ZNF14: variants seen among roughly 807,000 people sequenced by gnomAD.
ZNF14 encodes gonadotropin inducible transcription repressor-4.
In ZNF14, 9 loss-of-function variants were observed where a neutral mutation model predicts 11.3. That is an observed-to-expected ratio of 0.80 (90% CI 0.48 to 1.39). The LOEUF (loss-of-function observed/expected upper bound fraction) is 1.39, where lower values mean the gene tolerates loss of function less well. Ranked by LOEUF, ZNF14 falls within the 40% of genes most tolerant of loss-of-function variation. The pLI is 0.00. For synonymous variants in ZNF14, 239 were observed against 245.7 expected, an observed-to-expected ratio of 0.97 and a Z score of 0.25; for missense variants, 711 against 763.9, an observed-to-expected ratio of 0.93 and a Z score of 0.82.
chr19:19,725,966 T>C lies in ZNF14; in HGVS notation c.3+6990A>G, dbSNP rs1054938502. Among the ~76,000 whole-genome samples, 3 of 134,174 alleles carry C rather than the reference T, an allele frequency of 2.2e-5. 1 individual carries two copies. Among genetic ancestry groups the C allele is most frequent in the Admixed American group, 2.2e-4 (3 of 13,640 alleles). 88.0% of individuals were successfully genotyped at this position (134,174 alleles called of 152,430 possible). A position where few individuals can be genotyped will look rare whatever the true frequency, so the allele number is the denominator to read the frequency against. On this transcript the variant is annotated intron_variant, in intron 1 of 3. Coordinates refer to ENST00000344099, the MANE Select transcript of ZNF14 (RefSeq NM_021030.3). ...GTCTTCTCCACACTGTTTATTCTAGTTAGCCATTCGTCTAATCTTTTTTCA... is the reference window on the plus strand; with the variant it reads ...GTCTTCTCCACACTGTTTATTCTAGCTAGCCATTCGTCTAATCTTTTTTCA...
In ZNF14 at chr19:19,712,941, G is replaced by T. The variant is rs756438023; in HGVS notation, c.340C>A (p.His114Asn). The T allele has an allele frequency of 8.7e-6, 14 of 1,614,164 alleles. No individual in the cohort carries two copies. The highest frequency in any genetic ancestry group is 1.1e-5 in the Non-Finnish European group (13 of 1,180,024). Residue 114 changes from histidine (H) to asparagine (N), a missense_variant, in exon 4 of 4, where the codon CAT becomes AAT. Physicochemically the swap from His to Asn is moderately conservative, Grantham distance 68. Coordinates refer to ENST00000344099, the MANE Select transcript of ZNF14 (RefSeq NM_021030.3). ...ATGTGCCTATTAAGGGACGAATGAT[G>T]AATGAAGTCTCTTCCACAAAAGCTG... ...ECSFCGRDFI[H>N]HSSLNRHMRS... is the part of the protein sequence containing the mutation.
Position 19,711,297 on chromosome 19 carries a change from T to C in ZNF14, c.*55A>G. ...AGCTTCTGTCCAGTATGAACTCTTT[T>C]GTGTATTCAGAAGGAGCTGGAACAA... On this transcript the variant is annotated 3_prime_UTR_variant, in exon 4 of 4. Coordinates refer to ENST00000344099, the MANE Select transcript of ZNF14 (RefSeq NM_021030.3). 8 of 1,507,888 alleles carry C rather than the reference T, an allele frequency of 5.3e-6. No homozygotes were observed. The highest frequency in any genetic ancestry group is 2.3e-5 in the East Asian group (1 of 44,058). The allele number at this position is 1,507,888 out of a possible 1,614,324, so 93.4% of individuals were successfully genotyped here. A position where few individuals can be genotyped will look rare whatever the true frequency, so the allele number is the denominator to read the frequency against.
rs906361335 is a variant in ZNF14, at chr19:19,727,347, G to A, written c.3+5609C>T. Among the ~76,000 whole-genome samples the A allele has an allele frequency of 8.3e-5, 11 of 132,102 alleles. 2 individuals carry two copies. Among genetic ancestry groups the A allele is most frequent in the African/African-American group, 3.1e-4 (11 of 35,584 alleles). 86.7% of individuals were successfully genotyped at this position (132,102 alleles called of 152,430 possible). A position where few individuals can be genotyped will look rare whatever the true frequency, so the allele number is the denominator to read the frequency against. On this transcript the variant is annotated intron_variant, in intron 1 of 3. Coordinates refer to ENST00000344099, the MANE Select transcript of ZNF14 (RefSeq NM_021030.3). ...TTTTTTTCTTTTTTTGTAGTGATGG[G>A]GTCTCCCTATGTTGCTGGTCTCAAG...
intron 1 of ZNF14, among the ~76,000 whole-genome samples, chr19:19,717,720 T>A (rs1327010525): frequency 2.0e-5 from 3 of 152,140 alleles, no homozygotes; most frequent in African/African-American, 7.2e-5. Context: ...TCTTATCATA[T>A]CACAAAACAT....
At chr19:19,714,231 T>C (rs2062371153) in intron 2 of ZNF14, 80 bp from the exon 3 acceptor site, 4 of 1,581,242 alleles carry the variant, frequency 2.5e-6, no homozygotes, top group Non-Finnish European at 3.5e-6. Context: ...CATGATTAGC[T>C]GTGACTGTCT....
At chr19:19,722,015 G>A (rs1323925738) in intron 1 of ZNF14, among the ~76,000 whole-genome samples, 3 of 150,484 alleles carry the variant, frequency 2.0e-5, no homozygotes, top group Non-Finnish European at 1.5e-5. Context: ...TAGCTTCTCA[G>A]TTGGTCTTAC....
At chr19:19,727,173 G>A (rs1461651544) in intron 1 of ZNF14, among the ~76,000 whole-genome samples, 1 of 133,768 alleles carries the variant, frequency 7.5e-6, no homozygotes, top group Non-Finnish European at 1.7e-5. Flanking sequence ...CTGTAGACTG[G>A]AGCTGTTCCT....
rs759677254 is a variant in ZNF14 at position 19,727,383 on chromosome 19, G to A, written c.3+5573C>T. Among the ~76,000 whole-genome samples, 10 of 131,596 alleles carry A rather than the reference G, an allele frequency of 7.6e-5. 2 individuals carry two copies. The East Asian group carries it at 8.5e-4, about 11-fold the overall frequency. 86.3% of individuals were successfully genotyped at this position (131,596 alleles called of 152,430 possible). On this transcript the variant is annotated intron_variant, in intron 1 of 3. Transcript: ENST00000344099. ...GTTGCTGGTCTCAAGTCATCCTCCC[G>A]CCTTGACCTTCCGAAGTGCTGGGAT...
At position 19,717,504 on chromosome 19, in the gene ZNF14, C is replaced by A. The variant is rs777314168; in HGVS notation, c.4-3017G>T. ...CTAATGATTAATTCAATCTCCAGCT[C>A]CTCTTTTCTCTTGTGAGGCTGGGGG... On this transcript the variant is annotated intron_variant, in intron 1 of 3. Transcript: ENST00000344099. Among the ~76,000 whole-genome samples, 33 of 152,168 alleles carry A rather than the reference C, an allele frequency of 2.2e-4. 1 individual carries two copies. The highest frequency in any genetic ancestry group is 3.7e-4 in the Non-Finnish European group (25 of 68,038).
At chr19:19,717,965 T>C (rs1271716916) in intron 1 of ZNF14, among the ~76,000 whole-genome samples, 1 of 152,184 alleles carries the variant, frequency 6.6e-6, no homozygotes, top group African/African-American at 2.4e-5. Context: ...TCAAAGGAAA[T>C]TTTAACCTCT....
chr19:19,728,494 C>T lies in ZNF14; in HGVS notation c.3+4462G>A, dbSNP rs540473593. 2.3e-4 allele frequency among the ~76,000 whole-genome samples: 17 copies of T among 72,948 alleles called. 3 individuals carry two copies. The highest frequency in any genetic ancestry group is 6.6e-4 in the African/African-American group (12 of 18,242). The allele number at this position is 72,948 out of a possible 152,430, so 47.9% of individuals were successfully genotyped here. ...TCGAGCCACTGCACTCCAGACTGTG[C>T]GAAAGTGCGAAACTCCGTCTCAAAA... On this transcript the variant is annotated intron_variant, in intron 1 of 3. Coordinates refer to ENST00000344099, the MANE Select transcript of ZNF14 (RefSeq NM_021030.3).
intron 1 of ZNF14, among the ~76,000 whole-genome samples, chr19:19,723,281 G>A (rs888935411): frequency 6.6e-6 from 1 of 152,152 alleles, no homozygotes; most frequent in African/African-American, 2.4e-5. Context: ...GGAGTTTTTA[G>A]CATGAAGGAA....
At position 19,711,566 on chromosome 19, in the gene ZNF14, C is replaced by G. The variant is rs958751582; in HGVS notation, c.1715G>C (p.Ser572Thr). ...KQCGKAFISS[S>T]KFRMHERTHT... The stretch of plus-strand genomic sequence containing the variant: ...AGTTCTCTCATGCATTCGAAATTTA[C>G]TGGAAGAAATGAAGGCTTTTCCACA... Residue 572 changes from serine to threonine, a missense_variant, in exon 4 of 4, where the codon AGT becomes ACT. By Grantham distance (58) the Ser-to-Thr change is moderately conservative. Transcript: ENST00000344099. 1.2e-6 allele frequency: 2 copies of G among 1,613,478 alleles called. No homozygotes were observed. The highest frequency in any genetic ancestry group is 1.7e-6 in the Non-Finnish European group (2 of 1,179,704).
chr19:19,722,928 A>G (rs2145101245), intron 1 of ZNF14, among the ~76,000 whole-genome samples: 1 of 152,304 alleles, frequency 6.6e-6, no homozygotes, highest in South Asian at 2.1e-4. Context: ...ATTTTTGCAC[A>G]TTGATTTTGT....
rs1269399882 is a variant in ZNF14, at chr19:19,711,129, G to A, written c.*223C>T. 4.2e-6 allele frequency: 2 copies of A among 475,042 alleles called. No individual in the cohort carries two copies. The highest frequency in any genetic ancestry group is 7.1e-6 in the Non-Finnish European group (2 of 281,914). The allele number at this position is 475,042 out of a possible 1,614,324, so 29.4% of individuals were successfully genotyped here. ...CAAAACAGATTTCACTGCAGCACGA[G>A]TCCTGTCTTTGAAATGAATTAGGTC... is the stretch of plus-strand genomic sequence containing the variant. On this transcript the variant is annotated 3_prime_UTR_variant, in exon 4 of 4. Transcript: ENST00000344099.
chr19:19,716,089 T>C (rs1042180272), intron 1 of ZNF14, among the ~76,000 whole-genome samples: 6 of 152,044 alleles, frequency 3.9e-5, no homozygotes, highest in Admixed American at 3.9e-4. Context: ...CTTGAGACTT[T>C]GGGAAGACTC....
chr19:19,721,676 C>T (rs1599470351), intron 1 of ZNF14, among the ~76,000 whole-genome samples: 1 of 152,040 alleles, frequency 6.6e-6, no homozygotes, highest in East Asian at 1.9e-4. Flanking sequence ...AGAACAACAA[C>T]CTGGGCTTGG....
intron 1 of ZNF14, among the ~76,000 whole-genome samples, chr19:19,729,910 T>C (rs538773344): frequency 2.6e-5 from 4 of 152,208 alleles, no homozygotes; most frequent in Non-Finnish European, 5.9e-5. Context: ...CCTAGACCGA[T>C]AAGCTTTACA....
intron 1 of ZNF14, among the ~76,000 whole-genome samples, chr19:19,719,272 A>C (rs1397527840): frequency 6.6e-6 from 1 of 152,226 alleles, no homozygotes; most frequent in Non-Finnish European, 1.5e-5. Flanking sequence ...AATTCCCTAC[A>C]AAAAAGAAAA....
Sources: gnomAD v4.1 joint callset for allele counts (sites outside exome capture counted in the v4.1 genomes callset) on GRCh38, gnomAD v4.1.1 for gene constraint, MANE v1.5 for transcripts, NCBI Gene and HGNC (gene_info 2026-07-23, HGNC 2026-07-21) for gene names.